Variants in CFAP54 observed in about 807,000 individuals in gnomAD.
CFAP54 encodes cilia- and flagella-associated protein 54.
In CFAP54, 290 loss-of-function variants were observed where a neutral mutation model predicts 370.4. That is an observed-to-expected ratio of 0.78 (90% CI 0.71 to 0.86). CFAP54 has a LOEUF of 0.86. Ranked by LOEUF, CFAP54 falls within the 40% of genes least tolerant of loss-of-function variation. CFAP54 has a pLI of 0.00. For synonymous variants in CFAP54, 1,206 were observed against 1,236.5 expected (o/e 0.98, Z 0.52); for missense variants, 3,399 against 3,528.7 (o/e 0.96, Z 0.93).
chr12:96,501,896 C>A (rs756947665), intron 2 of CFAP54, among the ~76,000 whole-genome samples: 1 of 152,132 alleles, frequency 6.6e-6, no homozygotes, highest in Non-Finnish European at 1.5e-5. Context: ...CTTGAAAATA[C>A]AGGGCTTGGT....
At chr12:96,676,955 T>A (rs1192466666) in intron 39 of CFAP54, among the ~76,000 whole-genome samples, 1 of 152,084 alleles carries the variant, frequency 6.6e-6, no homozygotes, top group Non-Finnish European at 1.5e-5. Context: ...CATTCTGGTC[T>A]CCTGATCTCA....
chr12:96,674,903 G>A (rs889481703), intron 39 of CFAP54, among the ~76,000 whole-genome samples: 2 of 152,112 alleles, frequency 1.3e-5, no homozygotes, highest in African/African-American at 4.8e-5. Context: ...GCTGAAACTG[G>A]ATCCCTTCCT....
intron 21 of CFAP54, 93 bp from the exon 22 acceptor site, chr12:96,580,826 GT>G (rs1035942184): frequency 1.5e-4 from 174 of 1,139,948 alleles, no homozygotes; most frequent in Middle Eastern, 4.9e-4. Flanking sequence ...AAAGAAAAAG[GT>G]TTTTTTTTAA....
chr12:96,792,588 T>C (rs1475817098), intron 63 of CFAP54, 89 bp downstream of exon 63: 1 of 989,926 alleles, frequency 1.0e-6, no homozygotes. Flanking sequence ...GGACATTCTC[T>C]TATCATATAG....
At chr12:96,730,484 A>G (rs1957908463) in intron 50 of CFAP54, among the ~76,000 whole-genome samples, 1 of 152,248 alleles carries the variant, frequency 6.6e-6, no homozygotes, top group South Asian at 2.1e-4. Context: ...ATCTACAAAG[A>G]AACAGTGAGA....
intron 45 of CFAP54, among the ~76,000 whole-genome samples, chr12:96,699,645 A>T (rs1592714567): frequency 1.3e-5 from 2 of 152,260 alleles, no homozygotes; most frequent in East Asian, 1.9e-4. Context: ...GAACAAAAAA[A>T]ATCATTAAAA....
intron 15 of CFAP54, among the ~76,000 whole-genome samples, chr12:96,551,568 C>T (rs1019662272): frequency 1.3e-5 from 2 of 150,006 alleles, no homozygotes; most frequent in African/African-American, 4.9e-5. Context: ...TCTAGGAATG[C>T]CAGGATGATT....
chr12:96,547,078 A>G (rs115634673), intron 14 of CFAP54, among the ~76,000 whole-genome samples: 2,363 of 152,286 alleles, frequency 0.016, 63 homozygotes, highest in African/African-American at 0.053. Flanking sequence ...AACTTCTAAG[A>G]ATGTTATTCT....
chr12:96,855,737 G>C (rs896832324), intron 66 of CFAP54, among the ~76,000 whole-genome samples: 1 of 152,238 alleles, frequency 6.6e-6, no homozygotes, highest in Non-Finnish European at 1.5e-5. Flanking sequence ...TTCATGGGCT[G>C]GTGTTGAGTG....
At chr12:96,873,938 C>G (rs1376964661) in intron 67 of CFAP54, among the ~76,000 whole-genome samples, 2 of 152,120 alleles carry the variant, frequency 1.3e-5, no homozygotes, top group East Asian at 3.9e-4. Flanking sequence ...GATTACCTGA[C>G]TAGAGTGTTA....
At chr12:96,832,808 T>A (rs1959175005) in intron 66 of CFAP54, among the ~76,000 whole-genome samples, 2 of 152,192 alleles carry the variant, frequency 1.3e-5, no homozygotes, top group Admixed American at 1.3e-4. Flanking sequence ...GATCCCAACA[T>A]GAGATCCTAG....
chr12:96,658,572 T>A (rs1019516137), intron 38 of CFAP54, among the ~76,000 whole-genome samples: 2 of 152,124 alleles, frequency 1.3e-5, no homozygotes, highest in African/African-American at 2.4e-5. Context: ...CAAGACTAAC[T>A]TAGCCATAAA....
At chr12:96,875,080 T>C (rs546995056) in intron 67 of CFAP54, 38 bp from the exon 68 acceptor site, 1 of 152,310 alleles carries the variant, frequency 6.6e-6, no homozygotes, top group Admixed American at 6.5e-5. Context: ...AGGAAAATTA[T>C]ATGAAATTCA....
At position 96,610,835 on chromosome 12, in the gene CFAP54, G is replaced by C. The variant is rs557650413; in HGVS notation, c.3640-10755G>C. 2.0e-5 allele frequency among the ~76,000 whole-genome samples: 3 copies of C among 152,336 alleles called. No homozygotes were observed. In the East Asian group the frequency reaches 5.8e-4, roughly 29 times the overall value. ...CGAGCTGCAAGGTGGCAGCAAGGCT[G>C]GGGGAGGGGCACCTGCCATTGCTGA... On this transcript the variant is annotated intron_variant, in intron 26 of 67. Coordinates refer to ENST00000524981, the MANE Select transcript of CFAP54 (RefSeq NM_001306084.2).
chr12:96,608,986 G>A (rs1346753543), intron 26 of CFAP54, among the ~76,000 whole-genome samples: 1 of 152,160 alleles, frequency 6.6e-6, no homozygotes, highest in Non-Finnish European at 1.5e-5. Flanking sequence ...TACCAGATGG[G>A]CTAAAAAGTT....
intron 1 of CFAP54, among the ~76,000 whole-genome samples, chr12:96,496,779 A>G (rs79022208): frequency 0.019 from 2,822 of 152,314 alleles, 107 homozygotes; most frequent in African/African-American, 0.065. Context: ...AGGGATATTC[A>G]GATTTTTCCT....
At chr12:96,544,192 ATAAT>A (rs1255210272) in intron 14 of CFAP54, among the ~76,000 whole-genome samples, 1 of 146,776 alleles carries the variant, frequency 6.8e-6, no homozygotes, top group Non-Finnish European at 1.5e-5. Context: ...ATATATATAA[ATAAT>A]TATTGTTGTC....
At chr12:96,794,314 T>C (rs1958734557) in intron 63 of CFAP54, among the ~76,000 whole-genome samples, 1 of 152,222 alleles carries the variant, frequency 6.6e-6, no homozygotes, top group Non-Finnish European at 1.5e-5. Context: ...TTTTCCTTGA[T>C]TGTTTCCTCA....
chr12:96,765,460 T>C (rs537334900), intron 60 of CFAP54, among the ~76,000 whole-genome samples: 6 of 152,178 alleles, frequency 3.9e-5, no homozygotes, highest in Admixed American at 2.6e-4. Flanking sequence ...AAAAATGATA[T>C]TTTACATCTG....
Sources: gnomAD v4.1 joint callset for allele counts (sites outside exome capture counted in the v4.1 genomes callset) on GRCh38, gnomAD v4.1.1 for gene constraint, MANE v1.5 for transcripts, NCBI Gene and HGNC (gene_info 2026-07-23, HGNC 2026-07-21) for gene names.